The following CEP164 variants were observed in gnomAD, a reference collection of about 807,000 sequenced individuals.
CEP164 encodes the protein centrosomal protein 164.
CEP164 carries 162 observed loss-of-function variants against 182.7 expected under a neutral mutation model. The ratio of observed to expected loss-of-function variants is 0.89; its 90% CI spans 0.78 to 1.01. The LOEUF (loss-of-function observed/expected upper bound fraction) is 1.01, where lower values mean the gene tolerates loss of function less well. Ranked by LOEUF, CEP164 falls within the 50% of genes least tolerant of loss-of-function variation. The probability of loss-of-function intolerance (pLI) is 0.00; values close to 1 mark genes in which losing one functional copy is unlikely to be tolerated. For synonymous variants in CEP164, 661 were observed against 690.0 expected, an observed-to-expected ratio of 0.96 and a Z score of 0.66; for missense variants, 1,735 against 1,790.4, an observed-to-expected ratio of 0.97 and a Z score of 0.56.
intron 5 of CEP164, among the ~76,000 whole-genome samples, chr11:117,359,236 G>A (rs2040657835): frequency 1.3e-5 from 2 of 152,120 alleles, no homozygotes; most frequent in South Asian, 2.1e-4. Flanking sequence ...GAGCCACCAC[G>A]CCCAGCCTGG....
chr11:117,370,642 G>T (rs1051343106), intron 8 of CEP164, among the ~76,000 whole-genome samples: 2 of 152,216 alleles, frequency 1.3e-5, no homozygotes, highest in Non-Finnish European at 2.9e-5. Flanking sequence ...TGGGTGTGGT[G>T]GCTCACGCCT....
At chr11:117,361,280 C>T (rs2040933807) in intron 5 of CEP164, among the ~76,000 whole-genome samples, 2 of 112,932 alleles carry the variant, frequency 1.8e-5, no homozygotes, top group Admixed American at 2.4e-4. Context: ...CTTGCTCTGT[C>T]ACCTGGCTGA....
At chr11:117,387,059 C>T (rs2044044341) in intron 14 of CEP164, 144 bp from the exon 15 acceptor site, 3 of 722,326 alleles carry the variant, frequency 4.2e-6, no homozygotes, top group South Asian at 1.7e-5. Flanking sequence ...ATCTCTTGGC[C>T]TGCCCTTGGG....
At chr11:117,358,408 A>G (rs1592139787) in intron 5 of CEP164, among the ~76,000 whole-genome samples, 1 of 152,174 alleles carries the variant, frequency 6.6e-6, no homozygotes, top group South Asian at 2.1e-4. Context: ...CTGTATTTCC[A>G]TAAATACAGT....
At chr11:117,347,734 G>C (rs1018727973) in intron 4 of CEP164, among the ~76,000 whole-genome samples, 1 of 151,724 alleles carries the variant, frequency 6.6e-6, no homozygotes, top group African/African-American at 2.4e-5. Flanking sequence ...AGAATAGCTT[G>C]TCAGTTTCCT....
At chr11:117,371,958 A>ATT (rs2135931325) in intron 9 of CEP164, among the ~76,000 whole-genome samples, 1 of 152,000 alleles carries the variant, frequency 6.6e-6, no homozygotes, top group South Asian at 2.1e-4. Context: ...GCATTACCTC[A>ATT]GCCTCTTGAG....
chr11:117,387,100 C>G (rs552722462), intron 14 of CEP164, 103 bp from the exon 15 acceptor site: 1 of 1,018,922 alleles, frequency 9.8e-7, no homozygotes, highest in Non-Finnish European at 1.5e-6. Context: ...TGTGGGCCCT[C>G]CATTAGGATT....
intron 17 of CEP164, among the ~76,000 whole-genome samples, chr11:117,391,726 C>T (rs1019173857): frequency 2.6e-5 from 4 of 152,216 alleles, no homozygotes; most frequent in African/African-American, 7.2e-5. Flanking sequence ...ACTCCCTCTT[C>T]TACTCCAGTC....
At chr11:117,341,503 G>C (rs1259239658) in intron 3 of CEP164, among the ~76,000 whole-genome samples, 1 of 151,812 alleles carries the variant, frequency 6.6e-6, no homozygotes, top group African/African-American at 2.4e-5. Flanking sequence ...GAGTGCAGTG[G>C]TGTGAACTTG....
At chr11:117,334,168 A>G (rs2036662550) in intron 1 of CEP164, among the ~76,000 whole-genome samples, 1 of 152,146 alleles carries the variant, frequency 6.6e-6, no homozygotes, top group South Asian at 2.1e-4. Flanking sequence ...GTTTTTAATC[A>G]CGATTGCATC....
At position 117,328,073 on chromosome 11, in the gene CEP164, A is replaced by G. The variant is rs2508665; in HGVS notation, c.-98+169A>G. ...GGGACCCGAGGCACGCTCTCGAGCCAACGAGCGTGATGCGCTCGAGTGTGG... is the reference window on the plus strand; with the variant it reads ...GGGACCCGAGGCACGCTCTCGAGCCGACGAGCGTGATGCGCTCGAGTGTGG... On this transcript the variant is annotated intron_variant, in intron 1 of 32. Coordinates refer to ENST00000278935, the MANE Select transcript of CEP164 (RefSeq NM_014956.5). 8 of 152,314 alleles carry G rather than the reference A, an allele frequency of 5.3e-5. No homozygotes were observed. In the East Asian group the frequency reaches 1.4e-3, roughly 26 times the overall value. 9.4% of individuals were successfully genotyped at this position (152,314 alleles called of 1,614,324 possible). A position where few individuals can be genotyped will look rare whatever the true frequency, so the allele number is the denominator to read the frequency against.
intron 13 of CEP164, 138 bp from the exon 14 acceptor site, chr11:117,382,658 G>T (rs546993101): frequency 1.0e-6 from 1 of 970,814 alleles, no homozygotes; most frequent in Admixed American, 2.2e-5. Context: ...GGAGAGGGAG[G>T]TCTAAGACCC....
intron 27 of CEP164, among the ~76,000 whole-genome samples, chr11:117,404,759 C>T (rs1460466774): frequency 1.3e-5 from 2 of 152,172 alleles, no homozygotes; most frequent in Non-Finnish European, 2.9e-5. Flanking sequence ...CCACAGCTGC[C>T]CCTTCCCCCA....
In CEP164 at chr11:117,410,893, AG is replaced by A; in HGVS notation, c.4163+1del. ...LESRLGYMSA[S>X]EQLRLLQHSH... is the part of the protein sequence containing the mutation. ...GAGCAGGCTGGGTTACATGTCTGCCAGGTGAGCCTCCCTGGGGGCTGGTTGG... is the reference window on the plus strand; with the variant it reads ...GAGCAGGCTGGGTTACATGTCTGCCAGTGAGCCTCCCTGGGGGCTGGTTGG... On this transcript the variant is annotated frameshift_variant and splice_region_variant, in exon 31 of 33. Coordinates refer to ENST00000278935, the MANE Select transcript of CEP164 (RefSeq NM_014956.5). LOFTEE classifies it high-confidence loss of function. 1 of 1,612,818 alleles carries A rather than the reference AG, an allele frequency of 6.2e-7. No homozygotes were observed. The highest frequency in any genetic ancestry group is 1.1e-5 in the South Asian group (1 of 90,638).
intron 17 of CEP164, among the ~76,000 whole-genome samples, chr11:117,391,719 C>T (rs775994137): frequency 5.9e-5 from 9 of 152,158 alleles, no homozygotes; most frequent in Non-Finnish European, 1.2e-4. Context: ...TGTCCATACT[C>T]CCTCTTCTAC....
intron 5 of CEP164, among the ~76,000 whole-genome samples, chr11:117,357,495 C>G (rs1006430815): frequency 6.1e-5 from 9 of 148,698 alleles, no homozygotes; most frequent in African/African-American, 2.2e-4. Context: ...CATCTCAGGT[C>G]ATTGCAACCT....
chr11:117,333,474 A>G (rs2036538406), intron 1 of CEP164, among the ~76,000 whole-genome samples: 1 of 152,126 alleles, frequency 6.6e-6, no homozygotes, highest in South Asian at 2.1e-4. Flanking sequence ...TACTCCTAGT[A>G]GCTTCTGGAG....
intron 5 of CEP164, among the ~76,000 whole-genome samples, chr11:117,361,198 G>A (rs2135669683): frequency 7.0e-6 from 1 of 142,876 alleles, no homozygotes; most frequent in African/African-American, 2.6e-5. Context: ...GCCTCCCAAA[G>A]TGCTGGAATT....
At chr11:117,353,411 A>G (rs1054731250) in intron 5 of CEP164, among the ~76,000 whole-genome samples, 3 of 152,168 alleles carry the variant, frequency 2.0e-5, no homozygotes, top group Non-Finnish European at 4.4e-5. Context: ...TTGAATGGCA[A>G]AAGGTGGCCA....
Sources: allele counts gnomAD v4.1 joint callset (sites outside exome capture counted in the v4.1 genomes callset), GRCh38; gene constraint gnomAD v4.1.1; transcripts MANE v1.5; gene names NCBI Gene and HGNC (gene_info 2026-07-23, HGNC 2026-07-21).